Variants in ZNF461 observed in about 807,000 individuals in gnomAD.
ZNF461 encodes the protein gonadotropin-inducible ovarian transcription factor-1.
In ZNF461, 16 loss-of-function variants were observed where a neutral mutation model predicts 18.3. That is an observed-to-expected ratio of 0.88 (90% CI 0.59 to 1.33). The LOEUF is 1.33. Ranked by LOEUF, ZNF461 falls within the 40% of genes most tolerant of loss-of-function variation. The probability of loss-of-function intolerance (pLI) is 0.00; values close to 1 mark genes in which losing one functional copy is unlikely to be tolerated. For synonymous variants in ZNF461, 179 were observed against 216.9 expected, an observed-to-expected ratio of 0.83 and a Z score of 1.54; for missense variants, 595 against 669.9, an observed-to-expected ratio of 0.89 and a Z score of 1.23.
In ZNF461 at chr19:36,638,953, A is replaced by T. The variant is rs776693702; in HGVS notation, c.1392T>A (p.Thr464=). 2 of 1,614,124 alleles carry T rather than the reference A, an allele frequency of 1.2e-6. No homozygotes were observed. Among genetic ancestry groups the T allele is most frequent in the Non-Finnish European group, 1.7e-6 (2 of 1,180,022 alleles). ...TCATGCATTCATGAGGTTTCTCACC[A>T]GTATGAATTCTCTGATGTCTTTTGA... is the stretch of plus-strand genomic sequence containing the variant. ...SHLKRHQRIH[T]GEKPHECMIC... The change falls in exon 6 of 6, where the codon ACT becomes ACA. Residue 464 remains threonine (T), a synonymous_variant. Coordinates refer to ENST00000588268, the MANE Select transcript of ZNF461 (RefSeq NM_153257.5).
At chr19:36,656,391 A>G in intron 4 of ZNF461, 57 bp downstream of exon 4, 1 of 1,424,128 alleles carries the variant, frequency 7.0e-7, no homozygotes, top group Non-Finnish European at 9.9e-7. Flanking sequence ...TTGCCAGCCC[A>G]ACATTCTGAC....
rs12460729 is a variant in ZNF461, at chr19:36,656,965, G to A, written c.137-422C>T. ...CTCCTAAGTAGCTGGGATTATAGGCGCACACCACTCTGCCTGGCTAATTTT... is the reference window on the plus strand; with the variant it reads ...CTCCTAAGTAGCTGGGATTATAGGCACACACCACTCTGCCTGGCTAATTTT... On this transcript the variant is annotated intron_variant, in intron 3 of 5. Transcript: ENST00000588268. Among the ~76,000 whole-genome samples the A allele has an allele frequency of 5.5e-3, 831 of 151,830 alleles. 23 individuals are homozygous for A. Among genetic ancestry groups the A allele is most frequent in the Admixed American group, 0.037 (565 of 15,266 alleles).
At chr19:36,647,158 C>T (rs1009019556) in intron 4 of ZNF461, among the ~76,000 whole-genome samples, 39 of 152,204 alleles carry the variant, frequency 2.6e-4, no homozygotes, top group Non-Finnish European at 5.0e-4. Context: ...GAAATAATTA[C>T]TCTTTTCTGT....
rs1486626015 is a variant in ZNF461, at chr19:36,639,735, G to A, written c.610C>T (p.His204Tyr). The change falls in exon 6 of 6, where the codon CAT (histidine) becomes TAT (tyrosine). Residue 204 changes from histidine (H) to tyrosine (Y), a missense_variant. Physicochemically the swap from His to Tyr is moderately conservative, Grantham distance 83. Transcript: ENST00000588268. Reference protein sequence around the residue: ...CKKCRKIFSYHLFFSHHKRTH... With the variant: ...CKKCRKIFSYYLFFSHHKRTH... ...CTTTTGTGGTGACTAAAAAATAAATGGTAACTGAAGATTTTTCTACACTTT... is the reference window on the plus strand; with the variant it reads ...CTTTTGTGGTGACTAAAAAATAAATAGTAACTGAAGATTTTTCTACACTTT... The A allele has an allele frequency of 6.2e-7, 1 of 1,612,996 alleles. No individual in the cohort carries two copies. Among genetic ancestry groups the A allele is most frequent in the African/African-American group, 1.3e-5 (1 of 74,798 alleles).
At position 36,639,077 on chromosome 19, in the gene ZNF461, C is replaced by T. The variant is rs747446633; in HGVS notation, c.1268G>A (p.Cys423Tyr). 3 of 1,613,474 alleles carry T rather than the reference C, an allele frequency of 1.9e-6. No homozygotes were observed. Among genetic ancestry groups the T allele is most frequent in the Admixed American group, 1.7e-5 (1 of 59,920 alleles). ...YECHECGKAF[C>Y]DGLQLTLHQR... ...ATGTAGGGTTAGTTGTAAGCCATCA[C>T]AAAAAGCCTTCCCACATTCATGACA... Residue 423 changes from cysteine to tyrosine, a missense_variant, in exon 6 of 6, where the codon TGT (cysteine) becomes TAT (tyrosine). Coordinates refer to ENST00000588268, the MANE Select transcript of ZNF461 (RefSeq NM_153257.5).
intron 3 of ZNF461, 143 bp downstream of exon 3, chr19:36,658,156 C>T: frequency 2.4e-6 from 2 of 842,986 alleles, no homozygotes; most frequent in Non-Finnish European, 1.8e-6. Flanking sequence ...CTGGTTTCTA[C>T]AATACATAAA....
intron 2 of ZNF461, among the ~76,000 whole-genome samples, chr19:36,662,156 A>G (rs1206518260): frequency 6.6e-6 from 1 of 152,116 alleles, no homozygotes; most frequent in East Asian, 1.9e-4. Context: ...GGCATGAGCC[A>G]CCGAGCCTAG....
At chr19:36,660,011 A>G (rs2037789875) in intron 2 of ZNF461, among the ~76,000 whole-genome samples, 1 of 152,254 alleles carries the variant, frequency 6.6e-6, no homozygotes, top group East Asian at 1.9e-4. Flanking sequence ...AAGATTTCCC[A>G]CGTGTGATTT....
At chr19:36,648,920 A>G (rs1040958912) in intron 4 of ZNF461, among the ~76,000 whole-genome samples, 26 of 152,228 alleles carry the variant, frequency 1.7e-4, no homozygotes, top group African/African-American at 5.8e-4. Flanking sequence ...ATGGCTAGTG[A>G]TTTTGAACAT....
chr19:36,657,151 G>A (rs73612010), intron 3 of ZNF461, among the ~76,000 whole-genome samples: 6,143 of 151,434 alleles, frequency 0.041, 420 homozygotes, highest in African/African-American at 0.14. Context: ...ACTGTACAAA[G>A]TTCTTTAAAA....
At chr19:36,653,590 T>A (rs779113469) in intron 4 of ZNF461, among the ~76,000 whole-genome samples, 1 of 152,070 alleles carries the variant, frequency 6.6e-6, no homozygotes, top group Non-Finnish European at 1.5e-5. Context: ...AGGCACATCT[T>A]ACATGACAGC....
chr19:36,649,325 ATTAT>A (rs2037584126), intron 4 of ZNF461, among the ~76,000 whole-genome samples: 1 of 116,640 alleles, frequency 8.6e-6, no homozygotes, highest in African/African-American at 3.6e-5. Flanking sequence ...AGTATATTTT[ATTAT>A]TTATTTATGT....
chr19:36,645,056 T>TA (rs913821062), intron 4 of ZNF461: 10 of 151,034 alleles, frequency 6.6e-5, no homozygotes, highest in East Asian at 1.9e-4. Flanking sequence ...TTGTCTCTAC[T>TA]AAAAAAAAAT....
intron 4 of ZNF461, among the ~76,000 whole-genome samples, chr19:36,649,275 CA>C (rs912602015): frequency 6.6e-6 from 1 of 152,054 alleles, no homozygotes; most frequent in African/African-American, 2.4e-5. Flanking sequence ...ACATGCTTCA[CA>C]AAAAGGCTTT....
intron 1 of ZNF461, among the ~76,000 whole-genome samples, chr19:36,666,224 A>G (rs1417790495): frequency 6.6e-6 from 1 of 151,338 alleles, no homozygotes; most frequent in Non-Finnish European, 1.5e-5. Flanking sequence ...CCTCCCAAGG[A>G]GCTGGAATTA....
In ZNF461 at chr19:36,666,686, T is replaced by C. The variant is rs2037950599; in HGVS notation, c.-81+4A>G. ...CGCGGCACTGGTGAGCCAGGATTTCTTACCTTCAGCATTCTCAGGGAAGGC... is the reference window on the plus strand; with the variant it reads ...CGCGGCACTGGTGAGCCAGGATTTCCTACCTTCAGCATTCTCAGGGAAGGC... On this transcript the variant is annotated splice_donor_region_variant and intron_variant, in intron 1 of 5. Coordinates refer to ENST00000588268, the MANE Select transcript of ZNF461 (RefSeq NM_153257.5). 6.6e-6 allele frequency: 1 copy of C among 152,442 alleles called. No homozygotes were observed. Among genetic ancestry groups the C allele is most frequent in the Admixed American group, 6.5e-5 (1 of 15,282 alleles). 9.4% of individuals were successfully genotyped at this position (152,442 alleles called of 1,614,324 possible). A position where few individuals can be genotyped will look rare whatever the true frequency, so the allele number is the denominator to read the frequency against.
chr19:36,638,900 G>A lies in ZNF461; in HGVS notation c.1445C>T (p.Ser482Leu). 6.2e-7 allele frequency: 1 copy of A among 1,605,944 alleles called. No individual in the cohort carries two copies. The highest frequency in any genetic ancestry group is 1.3e-5 in the African/African-American group (1 of 74,696). Residue 482 changes from serine (S) to leucine (L), a missense_variant, in exon 6 of 6, where the codon TCA (serine) becomes TTA (leucine). Transcript: ENST00000588268. ...MICGKAFRLH[S>L]HLIQHQRIHT... ...AATTCTTTGATGTTGAATAAGGTGTGAATGAAGTCTAAAGGCCTTACCACA... is the reference window on the plus strand; with the variant it reads ...AATTCTTTGATGTTGAATAAGGTGTAAATGAAGTCTAAAGGCCTTACCACA...
chr19:36,645,642 T>C (rs2037512646), intron 4 of ZNF461, among the ~76,000 whole-genome samples: 2 of 152,068 alleles, frequency 1.3e-5, no homozygotes, highest in African/African-American at 4.8e-5. Context: ...TAGTTAACTG[T>C]TTTCTTTTTT....
chr19:36,665,553 A>G (rs949459033), intron 1 of ZNF461, among the ~76,000 whole-genome samples: 1 of 152,096 alleles, frequency 6.6e-6, no homozygotes, highest in Non-Finnish European at 1.5e-5. Flanking sequence ...TACTAAAAAT[A>G]CAAAAATTAG....
Sources: gnomAD v4.1 joint callset for allele counts (sites outside exome capture counted in the v4.1 genomes callset) on GRCh38, gnomAD v4.1.1 for gene constraint, MANE v1.5 for transcripts, NCBI Gene and HGNC (gene_info 2026-07-23, HGNC 2026-07-21) for gene names.